The following VPS4B variants were observed in gnomAD, a reference collection of about 807,000 sequenced individuals.
VPS4B encodes the protein vacuolar protein sorting 4 homolog B, also known as vacuolar protein sorting-associated protein 4B.
A neutral mutation model predicts 56.1 loss-of-function variants in VPS4B; 23 were observed. The ratio of observed to expected loss-of-function variants is 0.41; its 90% confidence interval spans 0.30 to 0.58. The LOEUF (loss-of-function observed/expected upper bound fraction) is 0.58. Ranked by LOEUF, VPS4B falls within the 20% of genes least tolerant of loss-of-function variation. The pLI is 0.29. For missense variants in VPS4B, 372 were observed against 531.9 expected (o/e 0.70, Z 2.96); for synonymous variants, 177 against 186.0 (o/e 0.95, Z 0.39).
chr18:63,404,795 A>T (rs905407495), intron 4 of VPS4B: 1 of 152,188 alleles, frequency 6.6e-6, no homozygotes, highest in Admixed American at 6.5e-5. Context: ...TCTTCTTGTT[A>T]GGAAAGATAA....
At chr18:63,403,279 AT>A (rs1475478458) in intron 5 of VPS4B, among the ~76,000 whole-genome samples, 4 of 152,244 alleles carry the variant, frequency 2.6e-5, no homozygotes, top group Non-Finnish European at 5.9e-5. Context: ...ATATATTAAT[AT>A]TTCTATGTGA....
intron 4 of VPS4B, among the ~76,000 whole-genome samples, chr18:63,406,463 G>T (rs1236394520): frequency 1.3e-5 from 2 of 152,156 alleles, no homozygotes; most frequent in African/African-American, 2.4e-5. Flanking sequence ...AGTAACCAAG[G>T]CTGAACCTAT....
chr18:63,411,413 C>A, intron 2 of VPS4B, 54 bp downstream of exon 2: 1 of 1,260,622 alleles, frequency 7.9e-7, no homozygotes, highest in Non-Finnish European at 1.0e-6. Context: ...AGAAATGAAA[C>A]AGAATAAATT....
intron 1 of VPS4B, among the ~76,000 whole-genome samples, chr18:63,414,724 C>A (rs543650187): frequency 6.6e-6 from 1 of 152,184 alleles, no homozygotes; most frequent in African/African-American, 2.4e-5. Context: ...CGTGAGCCAC[C>A]GTGCCTGGCC....
chr18:63,422,192 G>C, intron 1 of VPS4B, 41 bp downstream of exon 1: 1 of 1,443,882 alleles, frequency 6.9e-7, no homozygotes, highest in Non-Finnish European at 9.1e-7. Flanking sequence ...GCCTCCCCTC[G>C]ATCCCAGCTC....
At chr18:63,405,455 G>C (rs1350421758) in intron 4 of VPS4B, among the ~76,000 whole-genome samples, 1 of 151,880 alleles carries the variant, frequency 6.6e-6, no homozygotes, top group East Asian at 1.9e-4. Flanking sequence ...ATGAAATCCA[G>C]CAGCAAACCA....
rs1915689544 is a variant in VPS4B, at chr18:63,397,134, C to G, written c.992G>C (p.Arg331Thr). 6.2e-7 allele frequency: 1 copy of G among 1,614,178 alleles called. No individual in the cohort carries two copies. Residue 331 changes from arginine to threonine, a missense_variant, in exon 9 of 11, where the codon AGG becomes ACG. Transcript: ENST00000238497. The stretch of plus-strand genomic sequence containing the variant: ...TGCCCCTGAATAACCATCTGTTTTC[C>G]TCCCAAGTTCCCGAAAGTCTGCTTC... ...LTEADFRELGRKTDGYSGADI... is the reference protein window; with the variant it reads ...LTEADFRELGTKTDGYSGADI...
intron 1 of VPS4B, 83 bp from the exon 2 acceptor site, chr18:63,411,661 T>G: frequency 4.7e-6 from 5 of 1,066,878 alleles, no homozygotes; most frequent in Non-Finnish European, 6.2e-6. Context: ...GAAAGTTTTT[T>G]TTTTTTTTAA....
intron 8 of VPS4B, 62 bp from the exon 9 acceptor site, chr18:63,397,315 A>G (rs759941648): frequency 7.7e-5 from 112 of 1,451,894 alleles, no homozygotes; most frequent in Non-Finnish European, 9.7e-5. Context: ...TCCAAGAAGA[A>G]ACAGATACTA....
Position 63,403,827 on chromosome 18 carries a change from C to A in VPS4B, c.365-1G>T. The A allele has an allele frequency of 6.3e-7, 1 of 1,594,576 alleles. No homozygotes were observed. The highest frequency in any genetic ancestry group is 8.5e-7 in the Non-Finnish European group (1 of 1,172,924). ...TTTGGTCGTTCTATAACAATGGCAC[C>A]TGCAAAAAATTACGTTATCTTTAAA... On this transcript the variant is annotated splice_acceptor_variant, in intron 4 of 10. Coordinates refer to ENST00000238497, the MANE Select transcript of VPS4B (RefSeq NM_004869.4). LOFTEE classifies it high-confidence loss of function.
Position 63,393,497 on chromosome 18 carries a change from G to A in VPS4B, c.1145C>T (p.Thr382Ile), listed in dbSNP as rs553400769. The change falls in exon 10 of 11, where the codon ACA (threonine) becomes ATA (isoleucine). Residue 382 changes from threonine to isoleucine, a missense_variant. This residue lies in a region of VPS4B where 153 missense variants were observed against 190.9 expected (regional missense o/e 0.80). Transcript: ENST00000238497. ...ACCAGGGTCACCTGGAGAGCAAGGT[G>A]TTAGCAGATCATCTACAAGATGGTT... ...DPNHLVDDLL[T>I]PCSPGDPGAI... 108 of 1,612,622 alleles carry A rather than the reference G, an allele frequency of 6.7e-5. No homozygotes were observed. The South Asian group carries it at 1.1e-3, about 17-fold the overall frequency.
At chr18:63,413,461 C>T (rs1916090848) in intron 1 of VPS4B, among the ~76,000 whole-genome samples, 1 of 151,414 alleles carries the variant, frequency 6.6e-6, no homozygotes, top group Admixed American at 6.6e-5. Flanking sequence ...ATTGCTTGAA[C>T]CCGGGAGGCG....
intron 1 of VPS4B, among the ~76,000 whole-genome samples, chr18:63,417,059 C>T (rs1015308880): frequency 6.6e-6 from 1 of 151,886 alleles, no homozygotes; most frequent in Non-Finnish European, 1.5e-5. Flanking sequence ...AGAATGGTGC[C>T]GGCATACAAC....
intron 1 of VPS4B, chr18:63,415,473 T>C (rs1916141956): frequency 9.8e-6 from 3 of 306,344 alleles, no homozygotes; most frequent in Non-Finnish European, 2.0e-5. Flanking sequence ...CAGCCCCTGA[T>C]GCTCCTGGCA....
intron 8 of VPS4B, among the ~76,000 whole-genome samples, chr18:63,398,411 G>A: frequency 6.6e-6 from 1 of 151,716 alleles, no homozygotes; most frequent in Non-Finnish European, 1.5e-5. Flanking sequence ...GTAGAGACAG[G>A]GTTTCACCAC....
rs1389353851 is a variant in VPS4B, at chr18:63,410,575, C to T, written c.140-129G>A. The T allele has an allele frequency of 4.2e-6, 5 of 1,200,006 alleles. No homozygotes were observed. The East Asian group carries it at 1.2e-4, about 29-fold the overall frequency. The allele number at this position is 1,200,006 out of a possible 1,614,324, so 74.3% of individuals were successfully genotyped here. A position where few individuals can be genotyped will look rare whatever the true frequency, so the allele number is the denominator to read the frequency against. ...AAGAAGGAGGGAAGATCATCTCTAA[C>T]TCATCATAGCCAATGATTATCACCT... On this transcript the variant is annotated intron_variant, in intron 2 of 10. Coordinates refer to ENST00000238497, the MANE Select transcript of VPS4B (RefSeq NM_004869.4).
intron 3 of VPS4B, among the ~76,000 whole-genome samples, chr18:63,408,594 T>C (rs1052095931): frequency 1.3e-5 from 2 of 152,210 alleles, no homozygotes; most frequent in African/African-American, 4.8e-5. Context: ...GCACTGGTTT[T>C]GCTGAGGGAG....
chr18:63,418,332 C>T (rs1156469584), intron 1 of VPS4B, among the ~76,000 whole-genome samples: 1 of 152,180 alleles, frequency 6.6e-6, no homozygotes, highest in Non-Finnish European at 1.5e-5. Flanking sequence ...ACTCCCTCTC[C>T]GCAGCATTTA....
chr18:63,390,134 C>T lies in VPS4B; in HGVS notation c.*841G>A, dbSNP rs1185204210. 4 of 152,278 alleles carry T rather than the reference C, an allele frequency of 2.6e-5. No homozygotes were observed. Among genetic ancestry groups the T allele is most frequent in the East Asian group, 1.9e-4 (1 of 5,188 alleles). The allele number at this position is 152,278 out of a possible 1,614,324, so 9.4% of individuals were successfully genotyped here. ...CGGCGCCCAGGCTGGAATGCAGTAGCGCGATCTCAGCTCACTGCAACCTCT... is the reference window on the plus strand; with the variant it reads ...CGGCGCCCAGGCTGGAATGCAGTAGTGCGATCTCAGCTCACTGCAACCTCT... On this transcript the variant is annotated 3_prime_UTR_variant, in exon 11 of 11. Transcript: ENST00000238497.
Sources: gnomAD v4.1 joint callset for allele counts (sites outside exome capture counted in the v4.1 genomes callset) on GRCh38, gnomAD v4.1.1 for gene constraint, gnomAD v4.1.1 regional missense constraint, MANE v1.5 for transcripts, NCBI Gene and HGNC (gene_info 2026-07-23, HGNC 2026-07-21) for gene names.